The following RAP1GAP2 variants were observed in gnomAD, a reference collection of about 807,000 sequenced individuals.
RAP1GAP2 encodes rap1 GTPase-activating protein 2.
In RAP1GAP2, 27 loss-of-function variants were observed where a neutral mutation model predicts 95.0. The observed-to-expected ratio is 0.28, with a 90% CI of 0.21 to 0.39. The LOEUF (loss-of-function observed/expected upper bound fraction) is 0.39. Among genes scored for constraint, RAP1GAP2 ranks in the 10% least tolerant of loss-of-function variants. The pLI is 1.00. For synonymous variants in RAP1GAP2, 373 were observed against 380.9 expected (o/e 0.98, Z 0.24); for missense variants, 771 against 970.0 (o/e 0.79, Z 2.72).
At chr17:2,935,504 T>TCACACA (rs376852482) in intron 3 of RAP1GAP2, among the ~76,000 whole-genome samples, 3 of 150,494 alleles carry the variant, frequency 2.0e-5, no homozygotes, top group African/African-American at 7.3e-5. Context: ...TGAAACTCTG[T>TCACACA]CACACACACA....
intron 11 of RAP1GAP2, among the ~76,000 whole-genome samples, chr17:2,988,828 G>A (rs547533944): frequency 1.3e-5 from 2 of 152,308 alleles, no homozygotes; most frequent in South Asian, 2.1e-4. Context: ...TTGGGAGGCC[G>A]AGGTGGGCGG....
At chr17:2,943,523 G>A (rs2043584290) in intron 3 of RAP1GAP2, among the ~76,000 whole-genome samples, 1 of 151,818 alleles carries the variant, frequency 6.6e-6, no homozygotes. Context: ...AAATTAGCTG[G>A]GTGTGGTGGC....
chr17:3,026,795 C>T, intron 21 of RAP1GAP2, 149 bp from the exon 22 acceptor site: 1 of 1,088,602 alleles, frequency 9.2e-7, no homozygotes, highest in Non-Finnish European at 1.3e-6. Context: ...AGCTTGGAAC[C>T]AGGGTTGAAG....
At chr17:2,896,273 A>G (rs1362813290) in intron 2 of RAP1GAP2, among the ~76,000 whole-genome samples, 4 of 152,252 alleles carry the variant, frequency 2.6e-5, no homozygotes, top group South Asian at 2.1e-4. Context: ...TGTGAATCAC[A>G]CAGACGTCGC....
In RAP1GAP2 at chr17:3,008,255, G is replaced by A; in HGVS notation, c.1494+110G>A. ...TCCCAGAGCCCAAGGGCCAGCTGGA[G>A]GGGTGACAGGAAACGTATGGGTATC... On this transcript the variant is annotated intron_variant, in intron 17 of 24. Coordinates refer to ENST00000254695, the MANE Select transcript of RAP1GAP2 (RefSeq NM_015085.5). This position sits in a 1 kb window ranked among gnomAD's most constrained non-coding sequence, Gnocchi z 4.2. 4 of 1,490,720 alleles carry A rather than the reference G, an allele frequency of 2.7e-6. No individual in the cohort carries two copies. Among genetic ancestry groups the A allele is most frequent in the Non-Finnish European group, 3.6e-6 (4 of 1,096,386 alleles). The allele number at this position is 1,490,720 out of a possible 1,614,324, so 92.3% of individuals were successfully genotyped here. A position where few individuals can be genotyped will look rare whatever the true frequency, so the allele number is the denominator to read the frequency against.
In RAP1GAP2 at chr17:2,857,930, T is replaced by C. The variant is rs1462643211; in HGVS notation, c.81-47354T>C. Among the ~76,000 whole-genome samples, 1 of 152,058 alleles carries C rather than the reference T, an allele frequency of 6.6e-6. No individual in the cohort carries two copies. Among genetic ancestry groups the C allele is most frequent in the Admixed American group, 6.6e-5 (1 of 15,258 alleles). On this transcript the variant is annotated intron_variant, in intron 2 of 24. Transcript: ENST00000254695. The surrounding 1 kb of genome is among the most constrained non-coding windows in gnomAD (Gnocchi z 4.0). Reference sequence around the variant, plus strand: ...CCCTGGCCAACATGGCAAAAACCCATCTCTACTAAAAATGCAAAAAGTAGC... The same window carrying C: ...CCCTGGCCAACATGGCAAAAACCCACCTCTACTAAAAATGCAAAAAGTAGC...
At chr17:2,931,620 C>T (rs950711884) in intron 3 of RAP1GAP2, among the ~76,000 whole-genome samples, 6 of 152,148 alleles carry the variant, frequency 3.9e-5, no homozygotes, top group South Asian at 4.1e-4. Context: ...AGCCCCCATG[C>T]GGTTGTTCAT....
rs1374743323 is a variant in RAP1GAP2, at chr17:2,849,558, C to T, written c.80+49008C>T. The stretch of plus-strand genomic sequence containing the variant: ...GGAACGGGCTGTGCAGCTGTCTGCG[C>T]TCTGTTCATGATTAACTTCGCTGTC... On this transcript the variant is annotated intron_variant, in intron 2 of 24. Transcript: ENST00000254695. Among the ~76,000 whole-genome samples the T allele has an allele frequency of 4.6e-5, 7 of 152,332 alleles. No individual in the cohort carries two copies. The East Asian group carries it at 1.4e-3, about 29-fold the overall frequency.
chr17:2,865,416 G>C (rs969940589), intron 2 of RAP1GAP2, among the ~76,000 whole-genome samples: 1 of 152,204 alleles, frequency 6.6e-6, no homozygotes, highest in African/African-American at 2.4e-5. Context: ...GGAAAGGTCT[G>C]TCCTGTCAGG....
chr17:2,920,099 G>A (rs1242690144), intron 3 of RAP1GAP2, among the ~76,000 whole-genome samples: 3 of 151,532 alleles, frequency 2.0e-5, no homozygotes, highest in African/African-American at 7.3e-5. Context: ...TGACCTTCTG[G>A]GCCCAAGCAA....
At chr17:2,873,888 G>A (rs1309038017) in intron 2 of RAP1GAP2, among the ~76,000 whole-genome samples, 13 of 149,804 alleles carry the variant, frequency 8.7e-5, no homozygotes, top group Admixed American at 8.6e-4. Flanking sequence ...TCAGCCTCCC[G>A]AGTAGCTGGG....
chr17:3,032,491 G>A (rs2047356701), intron 24 of RAP1GAP2, 42 bp downstream of exon 24: 22 of 1,578,720 alleles, frequency 1.4e-5, no homozygotes, highest in South Asian at 8.9e-5. Context: ...GAGGGGGGAC[G>A]TGTGTTTCTT....
At chr17:2,869,400 A>G (rs889145307) in intron 2 of RAP1GAP2, among the ~76,000 whole-genome samples, 1 of 152,040 alleles carries the variant, frequency 6.6e-6, no homozygotes, top group Admixed American at 6.6e-5. Flanking sequence ...AACGATGTAA[A>G]TGCCACTGAA....
intron 3 of RAP1GAP2, among the ~76,000 whole-genome samples, chr17:2,909,040 C>T (rs1301149710): frequency 6.6e-6 from 1 of 152,128 alleles, no homozygotes; most frequent in Non-Finnish European, 1.5e-5. Flanking sequence ...TTGGACGTGC[C>T]TGAGGCTCAG....
upstream of RAP1GAP2, among the ~76,000 whole-genome samples, chr17:2,774,816 CTTTT>C (rs370177422): frequency 0.17 from 21,802 of 130,252 alleles, 1,893 homozygotes; most frequent in African/African-American, 0.23. Flanking sequence ...CCCTGCTATC[CTTTT>C]TTTTTTTTTT....
chr17:2,844,032 A>AT (rs1457462946), intron 2 of RAP1GAP2, among the ~76,000 whole-genome samples: 1 of 151,446 alleles, frequency 6.6e-6, no homozygotes, highest in Non-Finnish European at 1.5e-5. Context: ...TTATTTATTT[A>AT]TTTTTTGAGA....
chr17:2,780,913 T>A (rs1427912248), intron 1 of RAP1GAP2, among the ~76,000 whole-genome samples: 1 of 152,238 alleles, frequency 6.6e-6, no homozygotes, highest in Non-Finnish European at 1.5e-5. Flanking sequence ...TCATGTCTGA[T>A]CTCAGCCTGA....
At chr17:2,776,320 C>T (rs531266379), upstream of RAP1GAP2, among the ~76,000 whole-genome samples, 520 of 152,362 alleles carry the variant, frequency 3.4e-3, 4 homozygotes, top group Middle Eastern at 6.8e-3. Flanking sequence ...GTATCTTCCT[C>T]AGTAGATCAG....
intron 3 of RAP1GAP2, among the ~76,000 whole-genome samples, chr17:2,922,832 G>T (rs67397278): frequency 0.24 from 18,196 of 74,674 alleles, 1,695 homozygotes; most frequent in East Asian, 0.45. Context: ...TTTTGTTTTT[G>T]TTTTTTTTTT....
Sources: gnomAD v4.1 joint callset for allele counts (sites outside exome capture counted in the v4.1 genomes callset) on GRCh38, gnomAD v4.1.1 for gene constraint, Gnocchi (gnomAD v3.1) non-coding constraint, MANE v1.5 for transcripts, NCBI Gene and HGNC (gene_info 2026-07-23, HGNC 2026-07-21) for gene names.